TTC6: variants seen among roughly 807,000 people sequenced by gnomAD.
The protein encoded by TTC6 is tetratricopeptide repeat protein 6.
In TTC6, 172 loss-of-function variants were observed where a neutral mutation model predicts 210.4. That is an observed-to-expected ratio of 0.82 (90% CI 0.72 to 0.93). TTC6 has a LOEUF of 0.93. Ranked by LOEUF, TTC6 falls within the 40% of genes least tolerant of loss-of-function variation. The pLI, the probability that TTC6 is intolerant of heterozygous loss-of-function variation, is 0.00. For missense variants in TTC6, 2,414 were observed against 2,318.1 expected, an observed-to-expected ratio of 1.04 and a Z score of -0.85; for synonymous variants, 804 against 819.6, an observed-to-expected ratio of 0.98 and a Z score of 0.32.
intron 1 of TTC6, among the ~76,000 whole-genome samples, chr14:37,648,989 A>G (rs2095706523): frequency 6.6e-6 from 1 of 152,030 alleles, no homozygotes; most frequent in Admixed American, 6.6e-5. Flanking sequence ...TACAATTTGG[A>G]GATCCACACC....
chr14:37,603,517 C>G (rs1280549968), intron 1 of TTC6, among the ~76,000 whole-genome samples: 1 of 152,226 alleles, frequency 6.6e-6, no homozygotes, highest in Non-Finnish European at 1.5e-5. Flanking sequence ...AAATTTCCTT[C>G]CTTTTTGCTG....
intron 1 of TTC6, among the ~76,000 whole-genome samples, chr14:37,635,270 G>T (rs2095677936): frequency 6.6e-6 from 1 of 152,114 alleles, no homozygotes; most frequent in Non-Finnish European, 1.5e-5. Flanking sequence ...CCGTGCTAAT[G>T]GTACTGGTAT....
At chr14:37,743,365 T>C (rs1441800672) in intron 10 of TTC6, among the ~76,000 whole-genome samples, 1 of 152,224 alleles carries the variant, frequency 6.6e-6, no homozygotes, top group African/African-American at 2.4e-5. Flanking sequence ...TTCCTTTCCT[T>C]TTTACATCCT....
chr14:37,739,306 G>A (rs1427367739), intron 10 of TTC6, among the ~76,000 whole-genome samples, 151 bp downstream of exon 12: 1 of 152,110 alleles, frequency 6.6e-6, no homozygotes, highest in Non-Finnish European at 1.5e-5. Context: ...GCTGGGCGCC[G>A]TGGCTCATGC....
chr14:37,753,145 G>A (rs1235501481), exon 14 of TTC6: 2 of 1,534,814 alleles, frequency 1.3e-6, no homozygotes, highest in African/African-American at 2.7e-5. Flanking sequence ...TTGAAACGTG[G>A]GCTGTTTTAT....
chr14:37,771,233 A>T (rs2096017468), intron 14 of TTC6, among the ~76,000 whole-genome samples: 2 of 152,128 alleles, frequency 1.3e-5, no homozygotes, highest in Admixed American at 1.3e-4. Flanking sequence ...GGCTGCACTT[A>T]ACATTTTTTC....
intron 10 of TTC6, among the ~76,000 whole-genome samples, chr14:37,739,592 A>G (rs1397263510): frequency 6.7e-6 from 1 of 149,378 alleles, no homozygotes; most frequent in African/African-American, 2.5e-5. Context: ...AAAAAAAAAG[A>G]AAGACAAACC....
At chr14:37,679,657 A>T (rs1185424177) in intron 1 of TTC6, among the ~76,000 whole-genome samples, 2 of 152,064 alleles carry the variant, frequency 1.3e-5, no homozygotes, top group East Asian at 3.9e-4. Context: ...GCGAAAAGCC[A>T]TGAAATTGAA....
At chr14:37,758,804 GT>G (rs1364954765) in intron 14 of TTC6, among the ~76,000 whole-genome samples, 1 of 152,132 alleles carries the variant, frequency 6.6e-6, no homozygotes, top group Non-Finnish European at 1.5e-5. Flanking sequence ...ATTTTGGTGT[GT>G]TTTTGCAGTG....
intron 3 of TTC6, among the ~76,000 whole-genome samples, chr14:37,693,979 AAAAC>A (rs57428441): frequency 0.67 from 100,856 of 150,272 alleles, 34,107 homozygotes; most frequent in East Asian, 0.87. Flanking sequence ...AACTACCACA[AAAAC>A]AAACAAACAA....
At chr14:37,813,196 G>A (rs570575525) in intron 25 of TTC6, among the ~76,000 whole-genome samples, 1 of 152,216 alleles carries the variant, frequency 6.6e-6, no homozygotes, top group Admixed American at 6.5e-5. Context: ...TATTTCTGGA[G>A]TCATTTTTTT....
intron 2 of TTC6, among the ~76,000 whole-genome samples, chr14:37,614,402 T>A (rs990707726): frequency 2.0e-5 from 3 of 152,312 alleles, no homozygotes; most frequent in African/African-American, 7.2e-5. Context: ...TTGGTTCTGG[T>A]TGTCATATGT....
intron 14 of TTC6, among the ~76,000 whole-genome samples, chr14:37,765,636 G>A (rs1390709273): frequency 6.6e-6 from 1 of 152,006 alleles, no homozygotes; most frequent in Non-Finnish European, 1.5e-5. Flanking sequence ...ACTTTTGTTG[G>A]TGTTCTTTAC....
At chr14:37,719,918 C>T (rs1218722909) in intron 6 of TTC6, among the ~76,000 whole-genome samples, 2 of 151,776 alleles carry the variant, frequency 1.3e-5, no homozygotes, top group African/African-American at 2.4e-5. Flanking sequence ...TACAAGCCAC[C>T]GACTCGGAGA....
intron 14 of TTC6, among the ~76,000 whole-genome samples, chr14:37,771,230 C>T (rs1323367478): frequency 6.6e-6 from 1 of 152,144 alleles, no homozygotes; most frequent in Non-Finnish European, 1.5e-5. Flanking sequence ...TCTGGCTGCA[C>T]TTAACATTTT....
intron 20 of TTC6, among the ~76,000 whole-genome samples, chr14:37,797,970 C>A (rs79449210): frequency 0.016 from 2,367 of 152,188 alleles, 70 homozygotes; most frequent in African/African-American, 0.055. Flanking sequence ...ATGTGTGGAT[C>A]ATGTGCTATT....
chr14:37,763,768 G>A (rs1488825546), intron 14 of TTC6, among the ~76,000 whole-genome samples: 2 of 151,774 alleles, frequency 1.3e-5, no homozygotes, highest in Non-Finnish European at 2.9e-5. Flanking sequence ...TGGCTTTGTT[G>A]ATTCTATTGT....
chr14:37,606,474 T>A (rs1229161066), intron 1 of TTC6, among the ~76,000 whole-genome samples, 189 bp from the exon 2 acceptor site: 2 of 152,122 alleles, frequency 1.3e-5, no homozygotes. Flanking sequence ...CCCCTCTCTG[T>A]CTCTACAGTC....
intron 7 of TTC6, among the ~76,000 whole-genome samples, chr14:37,731,880 A>G (rs2095887201): frequency 6.6e-6 from 1 of 152,124 alleles, no homozygotes; most frequent in Non-Finnish European, 1.5e-5. Flanking sequence ...ACCTATTTAA[A>G]ATTTACATCT....
Sources: gnomAD v4.1 joint callset for allele counts (sites outside exome capture counted in the v4.1 genomes callset) on GRCh38, gnomAD v4.1.1 for gene constraint, MANE v1.5 for transcripts, NCBI Gene and HGNC (gene_info 2026-07-23, HGNC 2026-07-21) for gene names.